The following YWHAQ variants were observed in gnomAD, a reference collection of about 807,000 sequenced individuals.
YWHAQ encodes the protein 14-3-3 protein theta.
YWHAQ carries 6 observed loss-of-function variants against 28.3 expected under a neutral mutation model. That is an observed-to-expected ratio of 0.21 (90% CI 0.12 to 0.42). The LOEUF is 0.42. Ranked by LOEUF, YWHAQ falls within the 10% of genes least tolerant of loss-of-function variation. YWHAQ has a pLI of 1.00. For missense variants in YWHAQ, 201 were observed against 305.6 expected, an observed-to-expected ratio of 0.66 and a Z score of 2.55; for synonymous variants, 143 against 119.1, an observed-to-expected ratio of 1.20 and a Z score of -1.31.
chr2:9,629,344 T>A (rs1667309037), intron 2 of YWHAQ, among the ~76,000 whole-genome samples: 1 of 152,166 alleles, frequency 6.6e-6, no homozygotes, highest in Non-Finnish European at 1.5e-5. Context: ...ATCCTACGGA[T>A]CAAAAGATCC....
rs777649657 is a variant in YWHAQ at position 9,630,381 on chromosome 2, G to A, written c.72C>T (p.Thr24=). The A allele has an allele frequency of 6.2e-7, 1 of 1,614,006 alleles. No homozygotes were observed. Among genetic ancestry groups the A allele is most frequent in the Non-Finnish European group, 8.5e-7 (1 of 1,180,030 alleles). Residue 24 remains threonine, a synonymous_variant, in exon 2 of 6, where the codon ACC becomes ACT. Transcript: ENST00000238081. The surrounding 1 kb of genome is among the most constrained non-coding windows in gnomAD (Gnocchi z 5.6). ...EQAERYDDMA[T]CMKAVTEQGA... is the part of the protein sequence containing the mutation. ...CCTGCTCGGTCACTGCCTTCATGCAGGTGGCCATGTCGTCGTAGCGCTCGG... is the reference window on the plus strand; with the variant it reads ...CCTGCTCGGTCACTGCCTTCATGCAAGTGGCCATGTCGTCGTAGCGCTCGG...
chr2:9,610,594 C>T lies in YWHAQ; in HGVS notation c.295-19079G>A, dbSNP rs572518641. Among the ~76,000 whole-genome samples, 7 of 152,246 alleles carry T rather than the reference C, an allele frequency of 4.6e-5. No homozygotes were observed. The East Asian group carries it at 1.4e-3, about 29-fold the overall frequency. On this transcript the variant is annotated intron_variant, in intron 2 of 5. Transcript: ENST00000238081. Reference sequence around the variant, plus strand: ...CGCAATCTCGGCTCACTGCAACCTCCACCTCCTGGGTTCAAACGATTCTCC... The same window carrying T: ...CGCAATCTCGGCTCACTGCAACCTCTACCTCCTGGGTTCAAACGATTCTCC...
intron 2 of YWHAQ, among the ~76,000 whole-genome samples, chr2:9,614,449 G>A (rs13025344): frequency 0.16 from 23,821 of 152,126 alleles, 2,446 homozygotes; most frequent in Middle Eastern, 0.25. Flanking sequence ...GGAGGAAAAG[G>A]ACAAATCATA....
intron 3 of YWHAQ, among the ~76,000 whole-genome samples, chr2:9,588,562 G>C (rs1400810644): frequency 6.6e-6 from 1 of 152,068 alleles, no homozygotes; most frequent in East Asian, 1.9e-4. Context: ...CTTGAGATCA[G>C]GAGTTCAAGA....
Position 9,630,435 on chromosome 2 carries a change from C to A in YWHAQ, c.18G>T (p.Leu6=). 6.2e-7 allele frequency: 1 copy of A among 1,610,556 alleles called. No homozygotes were observed. MEKTE[L]IQKAKLAEQA... ...GCTCGGCCAGCTTGGCCTTCTGGATCAGCTCAGTCTTCTCCATGGCGGGCG... is the reference window on the plus strand; with the variant it reads ...GCTCGGCCAGCTTGGCCTTCTGGATAAGCTCAGTCTTCTCCATGGCGGGCG... Residue 6 remains leucine, a synonymous_variant, in exon 2 of 6, where the codon CTG becomes CTT. Transcript: ENST00000238081. This position sits in a 1 kb window ranked among gnomAD's most constrained non-coding sequence, Gnocchi z 5.6.
chr2:9,619,953 A>T lies in YWHAQ; in HGVS notation c.294+10206T>A, dbSNP rs560251008. On this transcript the variant is annotated intron_variant, in intron 2 of 5. Coordinates refer to ENST00000238081, the MANE Select transcript of YWHAQ (RefSeq NM_006826.4). ...CAAGTAATGTTTGGTGGAATGTACA[A>T]AACAAGAGGGAAAATGGAGTACTAA... Among the ~76,000 whole-genome samples the T allele has an allele frequency of 3.9e-5, 6 of 152,372 alleles. No individual in the cohort carries two copies. The South Asian group carries it at 1.2e-3, about 32-fold the overall frequency.
At chr2:9,605,903 T>C (rs1040181886) in intron 2 of YWHAQ, among the ~76,000 whole-genome samples, 2 of 152,158 alleles carry the variant, frequency 1.3e-5, no homozygotes, top group African/African-American at 2.4e-5. Flanking sequence ...TTAAAATCTA[T>C]GTATGTTCCC....
At chr2:9,628,842 ATCT>A (rs1667297227) in intron 2 of YWHAQ, 1 of 152,182 alleles carries the variant, frequency 6.6e-6, no homozygotes, top group Non-Finnish European at 1.5e-5. Context: ...AAAGTAAATA[ATCT>A]TAAGTTTTCT....
chr2:9,618,532 A>C (rs575131858), intron 2 of YWHAQ, among the ~76,000 whole-genome samples: 4 of 152,240 alleles, frequency 2.6e-5, no homozygotes, highest in Admixed American at 2.6e-4. Flanking sequence ...TTTGAGACAG[A>C]GACTAGGTCT....
At chr2:9,617,625 C>T (rs1667062529) in intron 2 of YWHAQ, among the ~76,000 whole-genome samples, 1 of 152,114 alleles carries the variant, frequency 6.6e-6, no homozygotes, top group African/African-American at 2.4e-5. Flanking sequence ...TACGTGTTAT[C>T]TTACCACACT....
intron 2 of YWHAQ, among the ~76,000 whole-genome samples, chr2:9,606,117 G>C (rs980739822): frequency 1.3e-5 from 2 of 152,034 alleles, no homozygotes; most frequent in Non-Finnish European, 2.9e-5. Context: ...TCCAATCTTG[G>C]TATTTCCAAC....
chr2:9,622,932 A>G (rs1667169967), intron 2 of YWHAQ, among the ~76,000 whole-genome samples: 1 of 152,214 alleles, frequency 6.6e-6, no homozygotes, highest in Non-Finnish European at 1.5e-5. Context: ...CCAGAAAGTC[A>G]GTGGTATGAA....
chr2:9,602,829 TAAAAAAAAAAAAAAAAAAA>T (rs869073430), intron 2 of YWHAQ, among the ~76,000 whole-genome samples: 615 of 36,902 alleles, frequency 0.017, 11 homozygotes, highest in African/African-American at 0.048. Flanking sequence ...ATGCCTAATT[TAAAAAAAAAAAAAAAAAAA>T]AAAAAAAAAA....
chr2:9,593,710 C>T (rs1666505452), intron 2 of YWHAQ, among the ~76,000 whole-genome samples: 3 of 151,636 alleles, frequency 2.0e-5, no homozygotes, highest in African/African-American at 7.3e-5. Flanking sequence ...CACCTGTAAT[C>T]CCAGCTACTT....
intron 2 of YWHAQ, among the ~76,000 whole-genome samples, chr2:9,613,108 T>TC (rs1666982328): frequency 6.6e-6 from 1 of 152,208 alleles, no homozygotes; most frequent in Admixed American, 6.5e-5. Context: ...CCCTACTACC[T>TC]CTTCCTTATC....
intron 5 of YWHAQ, among the ~76,000 whole-genome samples, 174 bp downstream of exon 5, chr2:9,587,240 G>A (rs535817192): frequency 6.6e-6 from 1 of 152,202 alleles, no homozygotes; most frequent in Non-Finnish European, 1.5e-5. Context: ...CTGATAAAAT[G>A]CCTATTCAAC....
At chr2:9,586,708 C>A (rs758310204) in intron 5 of YWHAQ, among the ~76,000 whole-genome samples, 1 of 152,112 alleles carries the variant, frequency 6.6e-6, no homozygotes, top group Non-Finnish European at 1.5e-5. Flanking sequence ...TTAAAAAATC[C>A]TATCTAGTAA....
chr2:9,587,112 C>T (rs2125061468), intron 5 of YWHAQ, among the ~76,000 whole-genome samples: 1 of 152,144 alleles, frequency 6.6e-6, no homozygotes, highest in South Asian at 2.1e-4. Context: ...GCTGATTTGC[C>T]CCAAAATATT....
Position 9,591,453 on chromosome 2 carries a change from C to T in YWHAQ, c.357G>A (p.Leu119=). 1 of 1,613,212 alleles carries T rather than the reference C, an allele frequency of 6.2e-7. No individual in the cohort carries two copies. The highest frequency in any genetic ancestry group is 1.3e-5 in the African/African-American group (1 of 75,026). The change falls in exon 3 of 6, where the codon CTG becomes CTA. Residue 119 remains leucine, a synonymous_variant. Transcript: ENST00000238081. ...ACCGGAAGTAATCACCCTTCATTTT[C>T]AGATAGAAGACCTTACTCTCTGGAT... ...ATNPESKVFY[L]KMKGDYFRYL...
Sources: allele counts gnomAD v4.1 joint callset (sites outside exome capture counted in the v4.1 genomes callset), GRCh38; gene constraint gnomAD v4.1.1; non-coding constraint Gnocchi (gnomAD v3.1); transcripts MANE v1.5; gene names NCBI Gene and HGNC (gene_info 2026-07-23, HGNC 2026-07-21).